Variants in ZFHX4 observed in about 807,000 individuals in gnomAD.
ZFHX4 encodes the protein zinc finger homeobox protein 4.
A neutral mutation model predicts 267.6 loss-of-function variants in ZFHX4; 56 were observed. The observed-to-expected ratio is 0.21, with a 90% CI of 0.17 to 0.26. The LOEUF (loss-of-function observed/expected upper bound fraction) is 0.26. ZFHX4 is among the 10% of genes least tolerant of loss of function. ZFHX4 has a pLI of 1.00. For synonymous variants in ZFHX4, 1,778 were observed against 1,665.6 expected, an observed-to-expected ratio of 1.07 and a Z score of -1.64; for missense variants, 4,332 against 4,420.0, an observed-to-expected ratio of 0.98 and a Z score of 0.56.
At chr8:76,760,357 A>C (rs1346540724) in intron 3 of ZFHX4, among the ~76,000 whole-genome samples, 3 of 152,146 alleles carry the variant, frequency 2.0e-5, no homozygotes, top group Non-Finnish European at 4.4e-5. Context: ...ATATGTCTTT[A>C]CTATTGAGCA....
chr8:76,853,672 C>A lies in ZFHX4; in HGVS notation c.6751C>A (p.Pro2251Thr). Residue 2251 changes from proline to threonine, a missense_variant, in exon 10 of 11, where the codon CCA becomes ACA. Physicochemically the swap from Pro to Thr is conservative, Grantham distance 38. Around this residue, in one of 7 missense-constraint regions of ZFHX4, gnomAD observed 62 missense variants for 69.8 expected, o/e 0.89. Transcript: ENST00000651372. ...AGACTTTTTTGACACAAACGCTTAC[C>A]CAAAAGATGATGAAATAGAACAACT... ...LQDFFDTNAY[P>T]KDDEIEQLST... 1.2e-6 allele frequency: 2 copies of A among 1,613,560 alleles called. No individual in the cohort carries two copies. The highest frequency in any genetic ancestry group is 1.7e-6 in the Non-Finnish European group (2 of 1,179,760).
rs1807524297 is a variant in ZFHX4 at position 76,681,394 on chromosome 8, C to T, written c.-273C>T. On this transcript the variant is annotated 5_prime_UTR_variant, in exon 1 of 11. Transcript: ENST00000651372. ...CACAACCAAACAGCGAGACCGCGGTCGGCACATGCTTTAACTCCTCCCGGA... is the reference window on the plus strand; with the variant it reads ...CACAACCAAACAGCGAGACCGCGGTTGGCACATGCTTTAACTCCTCCCGGA... 3 of 398,820 alleles carry T rather than the reference C, an allele frequency of 7.5e-6. No homozygotes were observed. The highest frequency in any genetic ancestry group is 1.3e-5 in the Non-Finnish European group (3 of 226,086). 24.7% of individuals were successfully genotyped at this position (398,820 alleles called of 1,614,324 possible). A position where few individuals can be genotyped will look rare whatever the true frequency, so the allele number is the denominator to read the frequency against.
Position 76,855,573 on chromosome 8 carries a change from A to G in ZFHX4, c.8652A>G (p.Gln2884=), listed in dbSNP as rs1246816995. ...ATGACAAAGATGGCGACCACGACCA[A>G]AGCTTTTACATCACAGATGACCCGG... ...HFNDKDGDHD[Q]SFYITDDPDD... Residue 2884 remains glutamine, a synonymous_variant, in exon 10 of 11, where the codon CAA becomes CAG. Coordinates refer to ENST00000651372, the MANE Select transcript of ZFHX4 (RefSeq NM_024721.5). The G allele has an allele frequency of 6.2e-7, 1 of 1,613,848 alleles. No individual in the cohort carries two copies. Among genetic ancestry groups the G allele is most frequent in the Admixed American group, 1.7e-5 (1 of 60,004 alleles).
intron 4 of ZFHX4, among the ~76,000 whole-genome samples, chr8:76,802,374 G>C (rs1402411210): frequency 6.6e-6 from 1 of 152,142 alleles, no homozygotes; most frequent in African/African-American, 2.4e-5. Context: ...ATGTTCTTGA[G>C]ACAATTCCTG....
chr8:76,848,405 T>G (rs1812418523), intron 6 of ZFHX4, among the ~76,000 whole-genome samples: 1 of 152,198 alleles, frequency 6.6e-6, no homozygotes, highest in African/African-American at 2.4e-5. Flanking sequence ...AGATTTGTAC[T>G]AAATGTTATA....
rs1810351799 is a variant in ZFHX4, at chr8:76,774,404, A to T, written c.3094-3804A>T. Among the ~76,000 whole-genome samples the T allele has an allele frequency of 2.0e-5, 3 of 152,316 alleles. No homozygotes were observed. In the South Asian group the frequency reaches 6.2e-4, roughly 32 times the overall value. Reference sequence around the variant, plus strand: ...TTAAATTCAAAGACTCATTCTGGCCATACTGGTAGATAGAAATACATCTGT... The same window carrying T: ...TTAAATTCAAAGACTCATTCTGGCCTTACTGGTAGATAGAAATACATCTGT... On this transcript the variant is annotated intron_variant, in intron 3 of 10. Coordinates refer to ENST00000651372, the MANE Select transcript of ZFHX4 (RefSeq NM_024721.5).
chr8:76,710,081 T>A (rs1028635515), intron 3 of ZFHX4, among the ~76,000 whole-genome samples: 7 of 152,166 alleles, frequency 4.6e-5, no homozygotes, highest in Admixed American at 1.3e-4. Context: ...AAAAATTTAT[T>A]CTTCTTTAGT....
In ZFHX4 at chr8:76,800,408, C is replaced by T. The variant is rs113201979; in HGVS notation, c.3325+21969C>T. ...TAATGCACCAGTCAGGATTTATTAC[C>T]TCAGGAGCGAACTGAAAGGTTCATT... On this transcript the variant is annotated intron_variant, in intron 4 of 10. Transcript: ENST00000651372. Among the ~76,000 whole-genome samples, 82 of 152,214 alleles carry T rather than the reference C, an allele frequency of 5.4e-4. 2 individuals are homozygous for T. Among genetic ancestry groups the T allele is most frequent in the African/African-American group, 1.9e-3 (78 of 41,534 alleles).
intron 3 of ZFHX4, among the ~76,000 whole-genome samples, chr8:76,729,510 A>G (rs748961533): frequency 2.0e-5 from 3 of 152,162 alleles, no homozygotes; most frequent in Non-Finnish European, 2.9e-5. Context: ...TTTAGAGAGC[A>G]AAGATGATTT....
At chr8:76,683,647 GGA>G (rs1807612184) in intron 1 of ZFHX4, 1 of 126,552 alleles carries the variant, frequency 7.9e-6, no homozygotes, top group African/African-American at 4.5e-5. Flanking sequence ...AGAGAGGGGG[GGA>G]GAGAGGGAGA....
intron 6 of ZFHX4, among the ~76,000 whole-genome samples, chr8:76,843,919 A>G (rs185143074): frequency 7.2e-5 from 11 of 152,228 alleles, no homozygotes; most frequent in African/African-American, 2.6e-4. Flanking sequence ...ACTGTTCAGT[A>G]CTAAATTTCT....
intron 3 of ZFHX4, among the ~76,000 whole-genome samples, chr8:76,729,002 G>C (rs1230758422): frequency 6.6e-6 from 1 of 152,084 alleles, no homozygotes. Flanking sequence ...AATATTTCAA[G>C]GTCAAAGATA....
At chr8:76,862,206 A>G (rs890475854) in intron 10 of ZFHX4, among the ~76,000 whole-genome samples, 2 of 152,190 alleles carry the variant, frequency 1.3e-5, no homozygotes, top group African/African-American at 4.8e-5. Flanking sequence ...ACTTGAAACA[A>G]AGCAAAGATC....
rs1812649729 is a variant in ZFHX4, at chr8:76,854,531, A to G, written c.7610A>G (p.Tyr2537Cys). The G allele has an allele frequency of 6.2e-7, 1 of 1,613,766 alleles. No homozygotes were observed. The highest frequency in any genetic ancestry group is 1.1e-5 in the South Asian group (1 of 91,088). Residue 2537 changes from tyrosine to cysteine, a missense_variant, in exon 10 of 11, where the codon TAC (tyrosine) becomes TGC (cysteine). Tyr to Cys is a radical substitution (Grantham distance 194, BLOSUM62 -2). Around this residue, in one of 7 missense-constraint regions of ZFHX4, gnomAD observed 1,648 missense variants for 1,625.0 expected, o/e 1.01. Transcript: ENST00000651372. ...TTGGAAAGGCCCATGGACATGCCCT[A>G]CATGATATTTGACCCCAACAATCCG... ...PFLERPMDMP[Y>C]MIFDPNNPLM...
intron 3 of ZFHX4, among the ~76,000 whole-genome samples, chr8:76,760,864 G>A (rs182641365): frequency 8.6e-4 from 129 of 150,288 alleles, no homozygotes; most frequent in Non-Finnish European, 1.7e-3. Context: ...AAGCGATTGA[G>A]GCTGCAGTGA....
At chr8:76,845,412 TA>T (rs1368350244) in intron 6 of ZFHX4, among the ~76,000 whole-genome samples, 1 of 152,058 alleles carries the variant, frequency 6.6e-6, no homozygotes, top group Admixed American at 6.6e-5. Flanking sequence ...GACCACTTTT[TA>T]ATAAGGGAGT....
chr8:76,690,478 C>A (rs1354495139), intron 1 of ZFHX4, among the ~76,000 whole-genome samples: 1 of 152,002 alleles, frequency 6.6e-6, no homozygotes, highest in East Asian at 1.9e-4. Flanking sequence ...AAAGACCAAT[C>A]ATTTTTACAT....
At chr8:76,759,351 T>C (rs571118901) in intron 3 of ZFHX4, among the ~76,000 whole-genome samples, 10 of 152,368 alleles carry the variant, frequency 6.6e-5, no homozygotes, top group African/African-American at 1.9e-4. Context: ...GGTTACCACT[T>C]ACCTGGGTAG....
At chr8:76,827,525 C>T (rs1811818554) in intron 4 of ZFHX4, among the ~76,000 whole-genome samples, 1 of 151,916 alleles carries the variant, frequency 6.6e-6, no homozygotes, top group Admixed American at 6.6e-5. Context: ...CTTTTAATTT[C>T]AAAACAATCA....
Sources: allele counts gnomAD v4.1 joint callset (sites outside exome capture counted in the v4.1 genomes callset), GRCh38; gene constraint gnomAD v4.1.1; regional missense constraint gnomAD v4.1.1; transcripts MANE v1.5; gene names NCBI Gene and HGNC (gene_info 2026-07-23, HGNC 2026-07-21).